EIF2B5: variants seen among roughly 807,000 people sequenced by gnomAD.
EIF2B5 encodes the protein translation initiation factor eIF2B subunit epsilon.
EIF2B5 carries 38 observed loss-of-function variants against 87.3 expected under a neutral mutation model. That is an observed-to-expected ratio of 0.44 (90% CI 0.34 to 0.57). EIF2B5 has a LOEUF of 0.57. Among genes scored for constraint, EIF2B5 ranks in the 20% least tolerant of loss-of-function variants. EIF2B5 has a pLI of 0.02. For missense variants in EIF2B5, 784 were observed against 909.5 expected, an observed-to-expected ratio of 0.86 and a Z score of 1.78; for synonymous variants, 313 against 339.6, an observed-to-expected ratio of 0.92 and a Z score of 0.86.
Position 184,141,938 on chromosome 3 carries a change from G to A in EIF2B5, c.1170G>A (p.Val390=), listed in dbSNP as rs147343643. ...ATCCTGAGCCAGGTGATAACGTGGTGCTGGACCAGACCTACCTGTGGCAGG... is the reference window on the plus strand; with the variant it reads ...ATCCTGAGCCAGGTGATAACGTGGTACTGGACCAGACCTACCTGTGGCAGG... ...GPGCHIGDNV[V]LDQTYLWQGV... is the part of the protein sequence containing the mutation. The change falls in exon 8 of 16, where the codon GTG becomes GTA. Residue 390 remains valine, a synonymous_variant. Coordinates refer to ENST00000648915, the MANE Select transcript of EIF2B5 (RefSeq NM_003907.3). 8.1e-6 allele frequency: 13 copies of A among 1,613,982 alleles called. No individual in the cohort carries two copies. Among genetic ancestry groups the A allele is most frequent in the African/African-American group, 1.3e-5 (1 of 74,886 alleles).
Position 184,144,472 on chromosome 3 carries a change from C to T in EIF2B5, c.1996-125C>T, listed in dbSNP as rs565851975. The T allele has an allele frequency of 2.2e-5, 23 of 1,053,978 alleles. No homozygotes were observed. In the East Asian group the frequency reaches 4.1e-4, roughly 19 times the overall value. 65.3% of individuals were successfully genotyped at this position (1,053,978 alleles called of 1,614,324 possible). ...AGTTAGACCTGCCCCAGGAGCAGAG[C>T]GAACAGCTCACTCTTGTCCGTTTTG... On this transcript the variant is annotated intron_variant, in intron 14 of 15. Coordinates refer to ENST00000648915, the MANE Select transcript of EIF2B5 (RefSeq NM_003907.3).
At chr3:184,140,813 C>T (rs1480705303) in intron 7 of EIF2B5, 83 bp downstream of exon 7, 2 of 1,473,904 alleles carry the variant, frequency 1.4e-6, no homozygotes, top group Non-Finnish European at 9.4e-7. Context: ...CAAGGGATGG[C>T]TACACAAGGG....
chr3:184,142,283 C>G lies in EIF2B5; in HGVS notation c.1349C>G (p.Ser450Cys), dbSNP rs1167870991. Residue 450 changes from serine (S) to cysteine (C), a missense_variant, in exon 9 of 16, where the codon TCT becomes TGT. Physicochemically the swap from Ser to Cys is moderately radical, Grantham distance 112. This residue lies in a region of EIF2B5 where 660 missense variants were observed against 789.5 expected (regional missense o/e 0.84). Transcript: ENST00000648915. The surrounding 1 kb of genome is among the most constrained non-coding windows in gnomAD (Gnocchi z 5.0). The part of the protein sequence containing the change: ...NITLPEGSVI[S>C]LHPPDAEEDE... Reference sequence around the variant, plus strand: ...ACGCTGCCTGAGGGCTCGGTGATCTCTTTGCACCCTCCAGATGCAGAGGAA... The same window carrying G: ...ACGCTGCCTGAGGGCTCGGTGATCTGTTTGCACCCTCCAGATGCAGAGGAA... 1 of 1,614,054 alleles carries G rather than the reference C, an allele frequency of 6.2e-7. No homozygotes were observed. Among genetic ancestry groups the G allele is most frequent in the Admixed American group, 1.7e-5 (1 of 59,996 alleles).
intron 13 of EIF2B5, 44 bp from the exon 14 acceptor site, chr3:184,144,055 T>C (rs941272234): frequency 9.9e-6 from 16 of 1,614,050 alleles, no homozygotes; most frequent in Non-Finnish European, 1.4e-5. Context: ...CAGGTATAGG[T>C]GAATGCTTAG....
intron 14 of EIF2B5, 137 bp from the exon 15 acceptor site, chr3:184,144,460 C>G: frequency 9.6e-7 from 1 of 1,046,444 alleles, no homozygotes; most frequent in Admixed American, 2.0e-5. Flanking sequence ...TAGACCTGCC[C>G]CAGGAGCAGA....
Position 184,145,211 on chromosome 3 carries a change from AG to A in EIF2B5, c.*270del, listed in dbSNP as rs1331719454. The A allele has an allele frequency of 5.4e-6, 3 of 551,042 alleles. No individual in the cohort carries two copies. The highest frequency in any genetic ancestry group is 1.9e-5 in the African/African-American group (1 of 52,828). 34.1% of individuals were successfully genotyped at this position (551,042 alleles called of 1,614,324 possible). A position where few individuals can be genotyped will look rare whatever the true frequency, so the allele number is the denominator to read the frequency against. On this transcript the variant is annotated 3_prime_UTR_variant, in exon 16 of 16. Transcript: ENST00000648915. This position sits in a 1 kb window ranked among gnomAD's most constrained non-coding sequence, Gnocchi z 4.0. The stretch of plus-strand genomic sequence containing the variant: ...GGCCCGGCAGTTGGAGGAAGGCCAG[AG>A]GAACAGCTTTGTGCTCCGGCTTTCC...
At position 184,142,994 on chromosome 3, in the gene EIF2B5, T is replaced by C. The variant is rs1713709658; in HGVS notation, c.1655-58T>C. The C allele has an allele frequency of 1.9e-6, 3 of 1,586,844 alleles. No individual in the cohort carries two copies. In the East Asian group the frequency reaches 6.7e-5, roughly 35 times the overall value. The stretch of plus-strand genomic sequence containing the variant: ...GGTTTGGTATCGAGTCAAGACTAGA[T>C]GACTTAGAGCATTCTGAATGATGTT... On this transcript the variant is annotated intron_variant, in intron 11 of 15. Transcript: ENST00000648915. The surrounding 1 kb of genome is among the most constrained non-coding windows in gnomAD (Gnocchi z 5.0).
intron 2 of EIF2B5, 82 bp downstream of exon 2, chr3:184,136,818 G>A: frequency 1.3e-6 from 2 of 1,591,038 alleles, no homozygotes; most frequent in Non-Finnish European, 1.7e-6. Context: ...GGGGAAATGT[G>A]AGAGGGGAAA....
At chr3:184,138,346 T>C (rs970577703) in intron 5 of EIF2B5, 100 bp downstream of exon 5, 2 of 1,100,192 alleles carry the variant, frequency 1.8e-6, no homozygotes, top group Non-Finnish European at 2.8e-6. Flanking sequence ...TCTCCCTGTT[T>C]ATTTTCATTA....
chr3:184,140,915 G>A (rs1713606604), intron 7 of EIF2B5, 185 bp downstream of exon 7: 1 of 679,072 alleles, frequency 1.5e-6, no homozygotes, highest in South Asian at 1.8e-5. Context: ...TTTGTAGCCT[G>A]TGGGCCTCTC....
chr3:184,135,431 G>A lies in EIF2B5; in HGVS notation c.46G>A (p.Ala16Thr). 1.3e-6 allele frequency: 2 copies of A among 1,582,304 alleles called. No individual in the cohort carries two copies. Among genetic ancestry groups the A allele is most frequent in the Non-Finnish European group, 1.7e-6 (2 of 1,165,490 alleles). ...VAPPGVVVSR[A>T]NKRSGAGPGG... ...GCCGCCTGGTGTGGTGGTTAGTCGG[G>A]CTAACAAGCGCAGCGGCGCGGGGCC... Residue 16 changes from alanine (A) to threonine (T), a missense_variant, in exon 1 of 16, where the codon GCT becomes ACT. By Grantham distance (58) the Ala-to-Thr change is moderately conservative. Coordinates refer to ENST00000648915, the MANE Select transcript of EIF2B5 (RefSeq NM_003907.3).
Position 184,144,683 on chromosome 3 carries a change from C to A in EIF2B5, c.2082C>A (p.Gly694=), listed in dbSNP as rs199518211. ...WFSQRDTTDK[G]QQLRKNQQLQ... is the part of the protein sequence containing the mutation. Reference sequence around the variant, plus strand: ...GCCAAAGAGATACAACTGACAAGGGCCAGCAGTTGCGCAAGAATCAACAGG... The same window carrying A: ...GCCAAAGAGATACAACTGACAAGGGACAGCAGTTGCGCAAGAATCAACAGG... The change falls in exon 15 of 16, where the codon GGC becomes GGA. Residue 694 remains glycine (G), a synonymous_variant. Coordinates refer to ENST00000648915, the MANE Select transcript of EIF2B5 (RefSeq NM_003907.3). 1.2e-6 allele frequency: 2 copies of A among 1,614,058 alleles called. No individual in the cohort carries two copies. Among genetic ancestry groups the A allele is most frequent in the Non-Finnish European group, 1.7e-6 (2 of 1,179,990 alleles).
In EIF2B5 at chr3:184,137,777, A is replaced by G. The variant is rs1374039614; in HGVS notation, c.478A>G (p.Asn160Asp). 1 of 1,614,222 alleles carries G rather than the reference A, an allele frequency of 6.2e-7. No homozygotes were observed. Among genetic ancestry groups the G allele is most frequent in the Middle Eastern group, 1.6e-4 (1 of 6,062 alleles). Reference sequence around the variant, plus strand: ...GTATGGGGATGTCATCTCAAACATCAATATCACCAGAGCCCTTGAGGAACA... The same window carrying G: ...GTATGGGGATGTCATCTCAAACATCGATATCACCAGAGCCCTTGAGGAACA... ...LVYGDVISNI[N>D]ITRALEEHRL... Residue 160 changes from asparagine (N) to aspartate (D), a missense_variant, in exon 3 of 16, where the codon AAT becomes GAT. By Grantham distance (23) the Asn-to-Asp change is conservative. Transcript: ENST00000648915.
Position 184,142,152 on chromosome 3 carries a change from T to A in EIF2B5, c.1302+82T>A. Reference sequence around the variant, plus strand: ...CCAGAAGGGGCATTATTTCCACCCATAATCCTGTCTAAAAAAGTTGCTCTC... The same window carrying A: ...CCAGAAGGGGCATTATTTCCACCCAAAATCCTGTCTAAAAAAGTTGCTCTC... On this transcript the variant is annotated intron_variant, in intron 8 of 15. Coordinates refer to ENST00000648915, the MANE Select transcript of EIF2B5 (RefSeq NM_003907.3). The surrounding 1 kb of genome is among the most constrained non-coding windows in gnomAD (Gnocchi z 5.0). The A allele has an allele frequency of 1.2e-6, 2 of 1,614,002 alleles. No homozygotes were observed. Among genetic ancestry groups the A allele is most frequent in the Non-Finnish European group, 1.7e-6 (2 of 1,179,932 alleles).
intron 7 of EIF2B5, among the ~76,000 whole-genome samples, chr3:184,141,591 C>CT (rs920441876): frequency 2.6e-5 from 4 of 151,970 alleles, no homozygotes; most frequent in African/African-American, 9.7e-5. Context: ...GACTTGGTTT[C>CT]TAAAATGTAC....
intron 5 of EIF2B5, chr3:184,138,872 G>A: frequency 3.4e-6 from 1 of 292,982 alleles, no homozygotes; most frequent in Non-Finnish European, 6.8e-6. Context: ...ATGTTGTCCG[G>A]CCTGGTCACG....
chr3:184,143,259 C>T (rs1421109942), intron 12 of EIF2B5, 117 bp downstream of exon 12: 6 of 1,462,852 alleles, frequency 4.1e-6, no homozygotes, highest in Non-Finnish European at 5.7e-6. Context: ...ATGGAAAGAC[C>T]AGTAGTATTT....
In EIF2B5 at chr3:184,135,430, G is replaced by A. The variant is rs1029008900; in HGVS notation, c.45G>A (p.Arg15=). 1 of 1,582,946 alleles carries A rather than the reference G, an allele frequency of 6.3e-7. No homozygotes were observed. Among genetic ancestry groups the A allele is most frequent in the Admixed American group, 1.9e-5 (1 of 53,160 alleles). ...CGCCGCCTGGTGTGGTGGTTAGTCG[G>A]GCTAACAAGCGCAGCGGCGCGGGGC... ...VVAPPGVVVS[R]ANKRSGAGPG... Residue 15 remains arginine (R), a synonymous_variant, in exon 1 of 16, where the codon CGG becomes CGA. Transcript: ENST00000648915.
At chr3:184,144,354 C>A in intron 14 of EIF2B5, 130 bp downstream of exon 14, 1 of 1,459,142 alleles carries the variant, frequency 6.9e-7, no homozygotes, top group Non-Finnish European at 9.5e-7. Flanking sequence ...ATGCTTATTG[C>A]TAGAATAGTA....
Sources: gnomAD v4.1 joint callset for allele counts (sites outside exome capture counted in the v4.1 genomes callset) on GRCh38, gnomAD v4.1.1 for gene constraint, gnomAD v4.1.1 regional missense constraint, Gnocchi (gnomAD v3.1) non-coding constraint, MANE v1.5 for transcripts, NCBI Gene and HGNC (gene_info 2026-07-23, HGNC 2026-07-21) for gene names.